ULBP3: variants seen among roughly 807,000 people sequenced by gnomAD.
ULBP3 encodes the protein UL16-binding protein 3.
In ULBP3, 25 loss-of-function variants were observed where a neutral mutation model predicts 24.9. The ratio of observed to expected loss-of-function variants is 1.00; its 90% CI spans 0.73 to 1.40. The LOEUF is 1.40. ULBP3 is among the 40% of genes most tolerant of loss of function. ULBP3 has a pLI of 0.00. For synonymous variants in ULBP3, 114 were observed against 114.7 expected (o/e 0.99, Z 0.04); for missense variants, 306 against 307.5 (o/e 1.00, Z 0.04).
At chr6:150,066,643 C>T (rs1360231802) in intron 1 of ULBP3, among the ~76,000 whole-genome samples, 5 of 152,188 alleles carry the variant, frequency 3.3e-5, no homozygotes, top group Non-Finnish European at 5.9e-5. Context: ...ATGACCCACA[C>T]CGCATGAAAC....
intron 1 of ULBP3, among the ~76,000 whole-genome samples, chr6:150,066,794 T>G (rs772319338): frequency 1.3e-5 from 2 of 152,060 alleles, no homozygotes; most frequent in Non-Finnish European, 2.9e-5. Context: ...AAGACTCCTG[T>G]TTACCTAGCA....
Position 150,066,078 on chromosome 6 carries a change from T to C in ULBP3, c.173A>G (p.Asp58Gly). ...QQWCEVQSQV[D>G]QKNFLSYDCG... ...GTCATAGGAGAGAAAATTCTTCTGA[T>C]CCACCTGGCTCTGGACCTCACACCA... The change falls in exon 2 of 5, where the codon GAT becomes GGT. Residue 58 changes from aspartate to glycine, a missense_variant. By Grantham distance (94) the Asp-to-Gly change is moderately conservative. Coordinates refer to ENST00000367339, the MANE Select transcript of ULBP3 (RefSeq NM_024518.3). 2.5e-6 allele frequency: 4 copies of C among 1,614,160 alleles called. No homozygotes were observed. Among genetic ancestry groups the C allele is most frequent in the South Asian group, 1.1e-5 (1 of 91,084 alleles).
At chr6:150,064,170 C>T (rs555555395) in intron 4 of ULBP3, among the ~76,000 whole-genome samples, 1 of 152,324 alleles carries the variant, frequency 6.6e-6, no homozygotes, top group South Asian at 2.1e-4. Flanking sequence ...CCTCCAGGGA[C>T]ACCCCTTCCC....
Position 150,065,943 on chromosome 6 carries a change from C to A in ULBP3, c.308G>T (p.Arg103Ile), listed in dbSNP as rs756067198. 1.2e-6 allele frequency: 2 copies of A among 1,614,098 alleles called. No homozygotes were observed. The change falls in exon 2 of 5, where the codon AGA (arginine) becomes ATA (isoleucine). Residue 103 changes from arginine to isoleucine, a missense_variant. Transcript: ENST00000367339. ...EMLREVGQRLRLELADTELED... is the reference protein window; with the variant it reads ...EMLREVGQRLILELADTELED... ...CAGCTCAGTGTCAGCCAGTTCCAGT[C>A]TGAGCCTCTGCCCCACCTCTCTCAG...
chr6:150,065,325 C>G (rs1375381983), intron 3 of ULBP3, 73 bp downstream of exon 3: 2 of 1,584,418 alleles, frequency 1.3e-6, no homozygotes, highest in Non-Finnish European at 1.7e-6. Context: ...ACCCACCATA[C>G]TCAGACACTG....
intron 3 of ULBP3, 89 bp downstream of exon 3, chr6:150,065,309 A>C (rs1286909277): frequency 1.3e-6 from 2 of 1,554,964 alleles, no homozygotes; most frequent in Non-Finnish European, 1.8e-6. Flanking sequence ...ACACCCATAC[A>C]CCCACACCCA....
Position 150,063,786 on chromosome 6 carries a change from G to A in ULBP3, c.*23-435C>T, listed in dbSNP as rs186025433. On this transcript the variant is annotated intron_variant, in intron 4 of 4. Coordinates refer to ENST00000367339, the MANE Select transcript of ULBP3 (RefSeq NM_024518.3). The stretch of plus-strand genomic sequence containing the variant: ...GGGAGCTGCACCCATAGCTCTGAAT[G>A]GGACTGTCCCTGCCCTGCCCCATTC... Among the ~76,000 whole-genome samples, 866 of 152,300 alleles carry A rather than the reference G, an allele frequency of 5.7e-3. 4 individuals carry two copies. Among genetic ancestry groups the A allele is most frequent in the Non-Finnish European group, 9.9e-3 (672 of 68,014 alleles).
intron 4 of ULBP3, among the ~76,000 whole-genome samples, 176 bp downstream of exon 4, chr6:150,064,409 A>C (rs529182751): frequency 6.6e-6 from 1 of 152,240 alleles, no homozygotes; most frequent in South Asian, 2.1e-4. Flanking sequence ...TCAGAACTCA[A>C]GGTTGAGCTG....
At chr6:150,068,757 C>G (rs562123976) in intron 1 of ULBP3, among the ~76,000 whole-genome samples, 1 of 152,204 alleles carries the variant, frequency 6.6e-6, no homozygotes, top group African/African-American at 2.4e-5. Context: ...TCCTGCGGTT[C>G]TTTTTTCGCC....
intron 4 of ULBP3, among the ~76,000 whole-genome samples, chr6:150,063,705 G>A (rs1776305596): frequency 6.6e-6 from 1 of 152,210 alleles, no homozygotes; most frequent in Non-Finnish European, 1.5e-5. Context: ...CCCTGGCCTT[G>A]GGTGGGTTTG....
rs200285959 is a variant in ULBP3 at position 150,066,186 on chromosome 6, C to A, written c.89-24G>T. ...GTCTAAGGAAAAAAAAAAAAAACAC[C>A]AGAGAGTGTTGGGGTGGGGGAAAGA... On this transcript the variant is annotated intron_variant, in intron 1 of 4. Transcript: ENST00000367339. 1,050 of 1,607,582 alleles carry A rather than the reference C, an allele frequency of 6.5e-4. 8 individuals carry two copies. In the African/African-American group the frequency reaches 0.013, roughly 20 times the overall value.
intron 1 of ULBP3, 75 bp from the exon 2 acceptor site, chr6:150,066,237 G>T: frequency 6.7e-7 from 1 of 1,500,382 alleles, no homozygotes; most frequent in Non-Finnish European, 9.0e-7. Context: ...CAGCAAGAGG[G>T]TTTCCTGAAG....
chr6:150,068,866 C>T, intron 1 of ULBP3, 113 bp downstream of exon 1: 1 of 1,148,510 alleles, frequency 8.7e-7, no homozygotes, highest in South Asian at 1.7e-5. Flanking sequence ...TGGGGGCAGT[C>T]CGGGGAGATC....
chr6:150,064,493 T>G (rs1236052004), intron 4 of ULBP3, 92 bp downstream of exon 4: 4 of 1,167,078 alleles, frequency 3.4e-6, no homozygotes, highest in Admixed American at 1.9e-5. Context: ...GTCCCGGCCA[T>G]GGGGAGAGGT....
rs766190320 is a variant in ULBP3, at chr6:150,066,056, A to G, written c.195T>C (p.Tyr65=). ...ATAAGACCTTGTCACTGCCACAGTC[A>G]TAGGAGAGAAAATTCTTCTGATCCA... ...SQVDQKNFLS[Y]DCGSDKVLSM... Residue 65 remains tyrosine (Y), a synonymous_variant, in exon 2 of 5, where the codon TAT becomes TAC. Transcript: ENST00000367339. 1.2e-6 allele frequency: 2 copies of G among 1,614,220 alleles called. No homozygotes were observed. The highest frequency in any genetic ancestry group is 1.1e-5 in the South Asian group (1 of 91,090).
intron 1 of ULBP3, among the ~76,000 whole-genome samples, chr6:150,066,449 T>A (rs1321130891): frequency 1.3e-5 from 2 of 152,140 alleles, no homozygotes; most frequent in Non-Finnish European, 2.9e-5. Context: ...GCAGCCCAGG[T>A]GGACTGCAAG....
chr6:150,065,960 CT>C lies in ULBP3; in HGVS notation c.290del (p.Glu97GlyfsTer73), dbSNP rs779659206. ...AWGKQLEMLREVGQRLRLELA... is the reference protein window; with the variant it reads ...AWGKQLEMLRXVGQRLRLELA... The stretch of plus-strand genomic sequence containing the variant: ...GTTCCAGTCTGAGCCTCTGCCCCAC[CT>C]CTCTCAGCATTTCCAGTTGTTTTCC... On this transcript the variant is annotated frameshift_variant, in exon 2 of 5. Transcript: ENST00000367339. LOFTEE classifies it high-confidence loss of function. The C allele has an allele frequency of 2.5e-6, 4 of 1,614,106 alleles. No individual in the cohort carries two copies. In the Admixed American group the frequency reaches 6.7e-5, roughly 27 times the overall value.
In ULBP3 at chr6:150,065,488, T is replaced by G. The variant is rs1190771817; in HGVS notation, c.538A>C (p.Thr180Pro). 5 of 1,613,988 alleles carry G rather than the reference T, an allele frequency of 3.1e-6. No homozygotes were observed. The highest frequency in any genetic ancestry group is 4.2e-6 in the Non-Finnish European group (5 of 1,180,000). The change falls in exon 3 of 5, where the codon ACC becomes CCC. Residue 180 changes from threonine to proline, a missense_variant. Thr to Pro is a conservative substitution (Grantham distance 38). Transcript: ENST00000367339. ...KEKWEKDSGL[T>P]TFFKMVSMRD... ...ATTGAGACCATCTTGAAGAAGGTGG[T>G]CAGTCCGCTATCCTTCTCCCACTTC...
chr6:150,068,847 A>C lies in ULBP3; in HGVS notation c.88+132T>G, dbSNP rs73779783. 3.6e-3 allele frequency: 3,423 copies of C among 952,102 alleles called. 72 individuals are homozygous for C. In the African/African-American group the frequency reaches 0.049, roughly 14 times the overall value. The allele number at this position is 952,102 out of a possible 1,614,324, so 59.0% of individuals were successfully genotyped here. A position where few individuals can be genotyped will look rare whatever the true frequency, so the allele number is the denominator to read the frequency against. ...CTGGCGAAAAAGAGCAGCGAATCGG[A>C]ACTGAGCGTGGGGGCAGTCCGGGGA... is the stretch of plus-strand genomic sequence containing the variant. On this transcript the variant is annotated intron_variant, in intron 1 of 4. Transcript: ENST00000367339.
Sources: allele counts gnomAD v4.1 joint callset (sites outside exome capture counted in the v4.1 genomes callset), GRCh38; gene constraint gnomAD v4.1.1; transcripts MANE v1.5; gene names NCBI Gene and HGNC (gene_info 2026-07-23, HGNC 2026-07-21).